The following CELF4 variants were observed in gnomAD, a reference collection of about 807,000 sequenced individuals.
The protein encoded by CELF4 is CUG-BP- and ETR-3-like factor 4.
In CELF4, 18 loss-of-function variants were observed where a neutral mutation model predicts 59.9. That is an observed-to-expected ratio of 0.30 (90% CI 0.21 to 0.45). CELF4 has a LOEUF of 0.45. CELF4 is among the 20% of genes least tolerant of loss of function. The probability of loss-of-function intolerance (pLI) is 1.00; values close to 1 mark genes in which losing one functional copy is unlikely to be tolerated. For synonymous variants in CELF4, 261 were observed against 267.1 expected (o/e 0.98, Z 0.22); for missense variants, 456 against 689.0 (o/e 0.66, Z 3.79).
chr18:37,362,041 C>T (rs978157367), intron 2 of CELF4, among the ~76,000 whole-genome samples: 4 of 152,082 alleles, frequency 2.6e-5, no homozygotes, highest in African/African-American at 7.2e-5. Flanking sequence ...TCCTGGGGTC[C>T]GGCCCGTGCT....
intron 2 of CELF4, among the ~76,000 whole-genome samples, chr18:37,343,240 C>T (rs143238864): frequency 4.6e-5 from 7 of 151,804 alleles, no homozygotes; most frequent in Non-Finnish European, 7.4e-5. Context: ...GGAATGACTG[C>T]GTCTGTGTCC....
chr18:37,326,011 G>A (rs1299875147), intron 2 of CELF4, among the ~76,000 whole-genome samples: 1 of 152,202 alleles, frequency 6.6e-6, no homozygotes, highest in Admixed American at 6.5e-5. Context: ...GCCCTGGCCT[G>A]AAGAGAAACC....
chr18:37,296,971 A>T (rs577475527), intron 3 of CELF4, among the ~76,000 whole-genome samples: 1 of 152,248 alleles, frequency 6.6e-6, no homozygotes, highest in South Asian at 2.1e-4. Flanking sequence ...TGAGGAACAC[A>T]CCAGACTGAG....
At chr18:37,256,772 A>T (rs2069832136) in intron 11 of CELF4, among the ~76,000 whole-genome samples, 1 of 152,046 alleles carries the variant, frequency 6.6e-6, no homozygotes, top group Admixed American at 6.6e-5. Context: ...TTTAGTAGAG[A>T]TGGAGGTTCA....
At chr18:37,265,269 C>T (rs1017570923) in intron 9 of CELF4, among the ~76,000 whole-genome samples, 1 of 151,650 alleles carries the variant, frequency 6.6e-6, no homozygotes, top group African/African-American at 2.4e-5. Flanking sequence ...TGCATGTGTG[C>T]ATACATTACA....
At chr18:37,544,034 G>T (rs933446283) in intron 1 of CELF4, among the ~76,000 whole-genome samples, 7 of 152,178 alleles carry the variant, frequency 4.6e-5, no homozygotes, top group Admixed American at 4.6e-4. Flanking sequence ...TACCCCAGGT[G>T]GGGGAATAGC....
chr18:37,392,163 T>C (rs2099169585), intron 2 of CELF4, among the ~76,000 whole-genome samples: 1 of 152,024 alleles, frequency 6.6e-6, no homozygotes, highest in Non-Finnish European at 1.5e-5. Context: ...GAAAGAAAGG[T>C]TTTCCCCCAA....
At chr18:37,286,313 G>A (rs1376271146) in intron 3 of CELF4, among the ~76,000 whole-genome samples, 1 of 152,232 alleles carries the variant, frequency 6.6e-6, no homozygotes, top group African/African-American at 2.4e-5. Flanking sequence ...GCTGGGCGCA[G>A]AGCTGCACAG....
At chr18:37,435,219 C>G (rs1247942839) in intron 2 of CELF4, among the ~76,000 whole-genome samples, 1 of 152,186 alleles carries the variant, frequency 6.6e-6, no homozygotes, top group Non-Finnish European at 1.5e-5. Flanking sequence ...TGGAATTTTT[C>G]CAGTTCTACT....
chr18:37,275,370 G>C (rs1406276113), intron 3 of CELF4, 127 bp from the exon 4 acceptor site: 1 of 929,494 alleles, frequency 1.1e-6, no homozygotes, highest in Non-Finnish European at 1.5e-6. Context: ...GCTCGGAGCC[G>C]GCGGGGGAGA....
chr18:37,406,153 CT>C (rs2099387836), intron 2 of CELF4, among the ~76,000 whole-genome samples: 1 of 151,854 alleles, frequency 6.6e-6, no homozygotes, highest in Non-Finnish European at 1.5e-5. Context: ...TTTTTTTAAA[CT>C]CCCCTGCAGC....
At chr18:37,474,807 G>T (rs889519641) in intron 2 of CELF4, among the ~76,000 whole-genome samples, 7 of 152,208 alleles carry the variant, frequency 4.6e-5, no homozygotes, top group African/African-American at 1.7e-4. Flanking sequence ...GTGGTGTCCT[G>T]CCCATGACCC....
At chr18:37,481,605 T>C (rs1359421679) in intron 2 of CELF4, among the ~76,000 whole-genome samples, 3 of 152,210 alleles carry the variant, frequency 2.0e-5, no homozygotes, top group Admixed American at 6.5e-5. Context: ...CCCAGGTGGT[T>C]CTCAGAGTGG....
intron 2 of CELF4, among the ~76,000 whole-genome samples, chr18:37,397,635 C>G (rs1228912322): frequency 6.6e-6 from 1 of 152,192 alleles, no homozygotes; most frequent in Non-Finnish European, 1.5e-5. Flanking sequence ...GTCATGCTGC[C>G]CAGAAACCAG....
At chr18:37,388,423 CT>C (rs1266669625) in intron 2 of CELF4, among the ~76,000 whole-genome samples, 1 of 151,738 alleles carries the variant, frequency 6.6e-6, no homozygotes, top group African/African-American at 2.4e-5. Flanking sequence ...CCTTCTCCTC[CT>C]TTCCCCCCTC....
intron 2 of CELF4, among the ~76,000 whole-genome samples, chr18:37,379,099 C>T (rs1467431037): frequency 6.6e-6 from 1 of 152,188 alleles, no homozygotes; most frequent in East Asian, 1.9e-4. Flanking sequence ...CCCTGCAGAC[C>T]TTAGCAAGGT....
chr18:37,279,876 G>C (rs1337773136), intron 3 of CELF4, among the ~76,000 whole-genome samples: 1 of 152,220 alleles, frequency 6.6e-6, no homozygotes, highest in Non-Finnish European at 1.5e-5. Flanking sequence ...GTTGCCCATA[G>C]CTGGAGCCTA....
At chr18:37,279,000 A>G (rs545241263) in intron 3 of CELF4, among the ~76,000 whole-genome samples, 2 of 152,292 alleles carry the variant, frequency 1.3e-5, no homozygotes, top group East Asian at 3.9e-4. Context: ...AGAGTCTTGG[A>G]GAATGACTCT....
At chr18:37,414,191 C>CT (rs1276639267) in intron 2 of CELF4, among the ~76,000 whole-genome samples, 1 of 148,088 alleles carries the variant, frequency 6.8e-6, no homozygotes, top group Admixed American at 6.7e-5. Context: ...TCCATTCATT[C>CT]ATCTATCTAT....
Sources: gnomAD v4.1 joint callset for allele counts (sites outside exome capture counted in the v4.1 genomes callset) on GRCh38, gnomAD v4.1.1 for gene constraint, MANE v1.5 for transcripts, NCBI Gene and HGNC (gene_info 2026-07-23, HGNC 2026-07-21) for gene names.